The following PLAA variants were observed in gnomAD, a reference collection of about 807,000 sequenced individuals.
The protein encoded by PLAA is phospholipase A-2-activating protein.
Under a neutral mutation model 84.1 loss-of-function variants are expected in PLAA, and 48 were observed. The observed-to-expected ratio is 0.57, with a 90% CI of 0.45 to 0.73. The LOEUF is 0.73. PLAA is among the 30% of genes least tolerant of loss of function. The pLI is 0.00. For missense variants in PLAA, 903 were observed against 954.7 expected, an observed-to-expected ratio of 0.95 and a Z score of 0.71; for synonymous variants, 392 against 336.6, an observed-to-expected ratio of 1.16 and a Z score of -1.80.
intron 9 of PLAA, among the ~76,000 whole-genome samples, chr9:26,917,451 T>C (rs549094926): frequency 1.1e-4 from 17 of 152,354 alleles, no homozygotes; most frequent in African/African-American, 3.8e-4. Flanking sequence ...GAATTGCAGG[T>C]AATATCTGAC....
intron 1 of PLAA, among the ~76,000 whole-genome samples, chr9:26,938,715 T>C (rs1349693325): frequency 1.3e-5 from 2 of 152,100 alleles, no homozygotes; most frequent in African/African-American, 4.8e-5. Flanking sequence ...GTAAATACGA[T>C]AGTGGTTTAT....
At position 26,903,427 on chromosome 9, in the gene PLAA, A is replaced by G. The variant is rs535286543; in HGVS notation, c.*2084T>C. Among the ~76,000 whole-genome samples the G allele has an allele frequency of 6.6e-6, 1 of 152,358 alleles. No individual in the cohort carries two copies. Among genetic ancestry groups the G allele is most frequent in the Admixed American group, 6.5e-5 (1 of 15,304 alleles). Reference sequence around the variant, plus strand: ...CTCTTTGTACCAAATATAAGTTTAAAAATCAGGTTATCAAAGAGTATGTAT... The same window carrying G: ...CTCTTTGTACCAAATATAAGTTTAAGAATCAGGTTATCAAAGAGTATGTAT... On this transcript the variant is annotated 3_prime_UTR_variant, in exon 14 of 14. Coordinates refer to ENST00000397292, the MANE Select transcript of PLAA (RefSeq NM_001031689.3).
intron 1 of PLAA, among the ~76,000 whole-genome samples, chr9:26,942,592 G>A (rs961289563): frequency 6.6e-6 from 1 of 150,960 alleles, no homozygotes; most frequent in African/African-American, 2.4e-5. Flanking sequence ...ATAAGAGTCA[G>A]AGCACGGAGG....
At chr9:26,941,457 C>T (rs540106025) in intron 1 of PLAA, among the ~76,000 whole-genome samples, 1 of 152,204 alleles carries the variant, frequency 6.6e-6, no homozygotes, top group East Asian at 1.9e-4. Flanking sequence ...AACTCACAAC[C>T]AGCAAGCCCC....
At chr9:26,943,512 A>G (rs1272321989) in intron 1 of PLAA, among the ~76,000 whole-genome samples, 1 of 152,224 alleles carries the variant, frequency 6.6e-6, no homozygotes, top group Non-Finnish European at 1.5e-5. Flanking sequence ...TTCAGTAATG[A>G]ACAAAGAATT....
chr9:26,913,071 A>G (rs902711591), intron 11 of PLAA, among the ~76,000 whole-genome samples: 1 of 152,196 alleles, frequency 6.6e-6, no homozygotes, highest in Non-Finnish European at 1.5e-5. Context: ...GTAATAAAAA[A>G]TAAAAACACA....
rs1242472054 is a variant in PLAA at position 26,919,369 on chromosome 9, T to C, written c.1358A>G (p.Asp453Gly). ...FLDQVAKFII[D>G]NTKGQMLGLG... is the part of the protein sequence containing the mutation. Reference sequence around the variant, plus strand: ...TCCCAACATTTGACCTTTTGTGTTATCAATAATAAATTTAGCTACTTGATC... The same window carrying C: ...TCCCAACATTTGACCTTTTGTGTTACCAATAATAAATTTAGCTACTTGATC... The change falls in exon 9 of 14, where the codon GAT becomes GGT. Residue 453 changes from aspartate to glycine, a missense_variant. Coordinates refer to ENST00000397292, the MANE Select transcript of PLAA (RefSeq NM_001031689.3). 1.9e-6 allele frequency: 3 copies of C among 1,612,910 alleles called. No individual in the cohort carries two copies. Among genetic ancestry groups the C allele is most frequent in the Non-Finnish European group, 1.7e-6 (2 of 1,179,698 alleles).
chr9:26,930,935 GTATGA>G (rs1192304365), intron 2 of PLAA, among the ~76,000 whole-genome samples: 5 of 151,162 alleles, frequency 3.3e-5, no homozygotes, highest in African/African-American at 7.3e-5. Context: ...CCACAAATCA[GTATGA>G]TATAATTGGA....
intron 2 of PLAA, 21 bp downstream of exon 2, chr9:26,934,992 C>G (rs956029535): frequency 7.4e-6 from 11 of 1,490,576 alleles, no homozygotes; most frequent in Non-Finnish European, 9.9e-6. Flanking sequence ...TAGAAAAACA[C>G]CAAAGCATTA....
At chr9:26,928,267 A>G (rs1455906858) in intron 3 of PLAA, 41 bp downstream of exon 3, 6 of 1,613,712 alleles carry the variant, frequency 3.7e-6, no homozygotes, top group Non-Finnish European at 4.2e-6. Context: ...GAATCATTCA[A>G]CTTAATTATT....
In PLAA at chr9:26,921,666, T is replaced by C. The variant is rs567706982; in HGVS notation, c.1040-1282A>G. Among the ~76,000 whole-genome samples, 6 of 152,390 alleles carry C rather than the reference T, an allele frequency of 3.9e-5. No individual in the cohort carries two copies. In the East Asian group the frequency reaches 1.2e-3, roughly 29 times the overall value. On this transcript the variant is annotated intron_variant, in intron 7 of 13. Coordinates refer to ENST00000397292, the MANE Select transcript of PLAA (RefSeq NM_001031689.3). ...CCACATCAATGAATTTTTCATGCTCTATTATACTAAAATCCACTGGTCTAT... is the reference window on the plus strand; with the variant it reads ...CCACATCAATGAATTTTTCATGCTCCATTATACTAAAATCCACTGGTCTAT...
intron 2 of PLAA, among the ~76,000 whole-genome samples, chr9:26,934,562 C>G (rs1437465968): frequency 1.3e-5 from 2 of 148,600 alleles, no homozygotes; most frequent in Non-Finnish European, 3.0e-5. Flanking sequence ...TCATTGTAAC[C>G]TCTGCCTGCC....
chr9:26,936,259 A>C lies in PLAA; in HGVS notation c.150-1053T>G, dbSNP rs182286407. Among the ~76,000 whole-genome samples the C allele has an allele frequency of 3.3e-3, 500 of 152,278 alleles. 3 individuals are homozygous for C. The highest frequency in any genetic ancestry group is 5.0e-3 in the Non-Finnish European group (343 of 68,008). On this transcript the variant is annotated intron_variant, in intron 1 of 13. Coordinates refer to ENST00000397292, the MANE Select transcript of PLAA (RefSeq NM_001031689.3). ...CAAGGCCAAGGAGAATGAAAAAAAA[A>C]ATACATGAATACAACTTTGAATATT...
intron 10 of PLAA, chr9:26,916,140 T>C: frequency 2.0e-6 from 2 of 985,374 alleles, no homozygotes; most frequent in South Asian, 9.4e-5. Context: ...CGGACAGCAA[T>C]CCACAACTTC....
rs919444901 is a variant in PLAA at position 26,947,225 on chromosome 9, G to A, written c.-180C>T. On this transcript the variant is annotated 5_prime_UTR_variant, in exon 1 of 14. Transcript: ENST00000397292. The stretch of plus-strand genomic sequence containing the variant: ...TGGGAAGGGGCGCGCCGAGCGGGCC[G>A]AGTGACACAGCAAGCCTGACAGGCA... The A allele has an allele frequency of 9.4e-6, 6 of 640,724 alleles. No individual in the cohort carries two copies. Among genetic ancestry groups the A allele is most frequent in the African/African-American group, 7.7e-5 (4 of 51,640 alleles). 39.7% of individuals were successfully genotyped at this position (640,724 alleles called of 1,614,324 possible). A position where few individuals can be genotyped will look rare whatever the true frequency, so the allele number is the denominator to read the frequency against.
At position 26,935,178 on chromosome 9, in the gene PLAA, A is replaced by G; in HGVS notation, c.178T>C (p.Cys60Arg). 6.3e-7 allele frequency: 1 copy of G among 1,583,238 alleles called. No individual in the cohort carries two copies. The highest frequency in any genetic ancestry group is 8.5e-7 in the Non-Finnish European group (1 of 1,169,920). The change falls in exon 2 of 14, where the codon TGT (cysteine) becomes CGT (arginine). Residue 60 changes from cysteine (C) to arginine (R), a missense_variant. Physicochemically the swap from Cys to Arg is radical, Grantham distance 180. Transcript: ENST00000397292. ...SPNRSFTEMHCMSGHSNFVSC... is the reference protein window; with the variant it reads ...SPNRSFTEMHRMSGHSNFVSC... ...ACAAAATTGGAATGGCCACTCATAC[A>G]GTGCATTTCTGTAAAGCTCCTGTTT...
At chr9:26,911,090 G>A (rs150539973) in intron 11 of PLAA, among the ~76,000 whole-genome samples, 1,869 of 152,014 alleles carry the variant, frequency 0.012, 34 homozygotes, top group African/African-American at 0.043. Context: ...CAGGGTACAT[G>A]TGCAGGATGT....
chr9:26,930,539 A>G (rs189166145), intron 2 of PLAA, among the ~76,000 whole-genome samples: 1 of 151,888 alleles, frequency 6.6e-6, no homozygotes, highest in Admixed American at 6.6e-5. Context: ...CATGTTGAAC[A>G]TGTAGGGTTA....
intron 2 of PLAA, among the ~76,000 whole-genome samples, chr9:26,931,970 C>T (rs1435917949): frequency 6.6e-6 from 1 of 152,082 alleles, no homozygotes; most frequent in East Asian, 1.9e-4. Flanking sequence ...ACCTGTAATC[C>T]CAGCTACTTG....
Sources: gnomAD v4.1 joint callset for allele counts (sites outside exome capture counted in the v4.1 genomes callset) on GRCh38, gnomAD v4.1.1 for gene constraint, MANE v1.5 for transcripts, NCBI Gene and HGNC (gene_info 2026-07-23, HGNC 2026-07-21) for gene names.